Variants in RYR2 observed in about 807,000 individuals in gnomAD.
RYR2 encodes the protein cardiac muscle ryanodine receptor-calcium release channel.
In RYR2, 227 loss-of-function variants were observed where a neutral mutation model predicts 601.1. The observed-to-expected ratio is 0.38, with a 90% CI of 0.34 to 0.42. RYR2 has a LOEUF of 0.42. Among genes scored for constraint, RYR2 ranks in the 10% least tolerant of loss-of-function variants. The pLI is 1.00. For synonymous variants in RYR2, 2,223 were observed against 2,175.1 expected (o/e 1.02, Z -0.61); for missense variants, 4,646 against 6,156.5 (o/e 0.75, Z 8.21).
rs528083324 is a variant in RYR2 at position 237,655,727 on chromosome 1, G to T, written c.7966-94G>T. 3 of 1,221,172 alleles carry T rather than the reference G, an allele frequency of 2.5e-6. No homozygotes were observed. In the East Asian group the frequency reaches 7.8e-5, roughly 32 times the overall value. The allele number at this position is 1,221,172 out of a possible 1,614,324, so 75.6% of individuals were successfully genotyped here. On this transcript the variant is annotated intron_variant, in intron 52 of 104. Transcript: ENST00000366574. Reference sequence around the variant, plus strand: ...AGTTCAGTTAGTCCAGGGTAATTCAGATTTTCTTCTGCAACCTTCTGTCAG... The same window carrying T: ...AGTTCAGTTAGTCCAGGGTAATTCATATTTTCTTCTGCAACCTTCTGTCAG...
intron 29 of RYR2, among the ~76,000 whole-genome samples, chr1:237,573,270 A>G (rs949976747): frequency 6.6e-6 from 1 of 151,742 alleles, no homozygotes; most frequent in Admixed American, 6.6e-5. Flanking sequence ...ATACATATGT[A>G]TATGTGTGTA....
chr1:237,745,750 C>T (rs938219888), intron 80 of RYR2, among the ~76,000 whole-genome samples: 1 of 152,128 alleles, frequency 6.6e-6, no homozygotes, highest in African/African-American at 2.4e-5. Context: ...TGGACAAGTT[C>T]ACATGGTGGT....
intron 1 of RYR2, among the ~76,000 whole-genome samples, chr1:237,107,384 G>C (rs1668822999): frequency 6.6e-6 from 1 of 151,212 alleles, no homozygotes; most frequent in Non-Finnish European, 1.5e-5. Flanking sequence ...AGCTGGACGT[G>C]GTGGCGGGCG....
chr1:237,255,185 A>C (rs560656608), intron 1 of RYR2, among the ~76,000 whole-genome samples: 3 of 152,330 alleles, frequency 2.0e-5, no homozygotes, highest in Admixed American at 6.5e-5. Context: ...AGTGGAAAAG[A>C]GAAACAGGTG....
At chr1:237,660,103 T>C (rs1683632648) in intron 55 of RYR2, 29 bp downstream of exon 55, 3 of 1,303,006 alleles carry the variant, frequency 2.3e-6, no homozygotes, top group Admixed American at 2.7e-5. Context: ...TTTTAGTTTG[T>C]AAAGTTTTTA....
intron 1 of RYR2, among the ~76,000 whole-genome samples, chr1:237,108,105 A>G (rs1668955236): frequency 6.6e-6 from 1 of 152,172 alleles, no homozygotes; most frequent in Non-Finnish European, 1.5e-5. Context: ...AACAGGGAAC[A>G]TGATCCTAGA....
intron 63 of RYR2, among the ~76,000 whole-genome samples, chr1:237,688,591 G>C (rs1490323069): frequency 6.6e-6 from 1 of 152,058 alleles, no homozygotes; most frequent in Non-Finnish European, 1.5e-5. Context: ...AAAATTGCCT[G>C]AGTTTTTACA....
intron 17 of RYR2, among the ~76,000 whole-genome samples, chr1:237,482,690 T>C (rs991020449): frequency 6.6e-6 from 1 of 152,174 alleles, no homozygotes; most frequent in African/African-American, 2.4e-5. Flanking sequence ...TTCGGTATAC[T>C]GATTTCTTTC....
intron 26 of RYR2, among the ~76,000 whole-genome samples, chr1:237,548,947 C>T (rs1670102205): frequency 6.6e-6 from 1 of 152,088 alleles, no homozygotes; most frequent in Non-Finnish European, 1.5e-5. Flanking sequence ...ATTCACAACC[C>T]CTGGGGCCAC....
At chr1:237,744,463 C>T (rs535321803) in intron 80 of RYR2, among the ~76,000 whole-genome samples, 1 of 151,944 alleles carries the variant, frequency 6.6e-6, no homozygotes, top group African/African-American at 2.4e-5. Flanking sequence ...TGAGACCAGC[C>T]TGGCCAATGT....
At chr1:237,369,952 T>C (rs1700508429) in intron 6 of RYR2, among the ~76,000 whole-genome samples, 1 of 152,108 alleles carries the variant, frequency 6.6e-6, no homozygotes, top group Admixed American at 6.5e-5. Context: ...TAAGGTATCT[T>C]TATTGAAAGA....
At chr1:237,081,549 A>G (rs1665663173) in intron 1 of RYR2, among the ~76,000 whole-genome samples, 1 of 151,902 alleles carries the variant, frequency 6.6e-6, no homozygotes, top group African/African-American at 2.4e-5. Context: ...ATACATATAT[A>G]TCATAATTTA....
intron 2 of RYR2, among the ~76,000 whole-genome samples, chr1:237,307,829 A>G (rs1694027142): frequency 1.3e-5 from 2 of 152,216 alleles, no homozygotes; most frequent in Non-Finnish European, 2.9e-5. Flanking sequence ...GGTTTGCTGT[A>G]CTTAATATTT....
intron 41 of RYR2, among the ~76,000 whole-genome samples, chr1:237,629,457 C>A (rs1460032006): frequency 6.6e-6 from 1 of 151,674 alleles, no homozygotes; most frequent in Admixed American, 6.6e-5. Context: ...CTATGATGTT[C>A]ATTAAGAACA....
At chr1:237,235,484 G>T (rs1409158234) in intron 1 of RYR2, among the ~76,000 whole-genome samples, 1 of 152,224 alleles carries the variant, frequency 6.6e-6, no homozygotes, top group African/African-American at 2.4e-5. Context: ...GTTTCTCAAA[G>T]TGGTTCCCAG....
Position 237,456,693 on chromosome 1 carries a change from G to A in RYR2, c.1570G>A (p.Glu524Lys). Residue 524 changes from glutamate to lysine, a missense_variant, in exon 16 of 105, where the codon GAG becomes AAG. Glu to Lys is a moderately conservative substitution (Grantham distance 56). Coordinates refer to ENST00000366574, the MANE Select transcript of RYR2 (RefSeq NM_001035.3). ...FADVAGREAG[E>K]SWKSILNSLY... ...TGATGTTGCTGGGCGAGAAGCAGGAGAGTCTTGGAAATCCATTCTGAATTC... is the reference window on the plus strand; with the variant it reads ...TGATGTTGCTGGGCGAGAAGCAGGAAAGTCTTGGAAATCCATTCTGAATTC... 3 of 1,613,676 alleles carry A rather than the reference G, an allele frequency of 1.9e-6. No individual in the cohort carries two copies. The highest frequency in any genetic ancestry group is 2.5e-6 in the Non-Finnish European group (3 of 1,179,688).
intron 17 of RYR2, among the ~76,000 whole-genome samples, chr1:237,489,644 C>T (rs962500451): frequency 2.0e-5 from 3 of 151,914 alleles, no homozygotes; most frequent in Non-Finnish European, 2.9e-5. Flanking sequence ...GTAACAAAAG[C>T]GAAACTCCAT....
At chr1:237,617,062 A>G (rs1228234408) in intron 37 of RYR2, among the ~76,000 whole-genome samples, 4 of 152,166 alleles carry the variant, frequency 2.6e-5, no homozygotes, top group African/African-American at 4.8e-5. Context: ...GAACCAGACC[A>G]TATCAGTTAA....
chr1:237,673,781 G>C (rs1685159919), intron 58 of RYR2, among the ~76,000 whole-genome samples: 1 of 152,152 alleles, frequency 6.6e-6, no homozygotes, highest in Non-Finnish European at 1.5e-5. Flanking sequence ...ATTCAGAATT[G>C]CTTTGAACGC....
Sources: allele counts gnomAD v4.1 joint callset (sites outside exome capture counted in the v4.1 genomes callset), GRCh38; gene constraint gnomAD v4.1.1; transcripts MANE v1.5; gene names NCBI Gene and HGNC (gene_info 2026-07-23, HGNC 2026-07-21).